The following UPP2 variants were observed in gnomAD, a reference collection of about 807,000 sequenced individuals.
The protein encoded by UPP2 is uridine phosphorylase 2.
A neutral mutation model predicts 26.7 loss-of-function variants in UPP2; 23 were observed. The observed-to-expected ratio is 0.86, with a 90% CI of 0.62 to 1.22. The LOEUF (loss-of-function observed/expected upper bound fraction) is 1.22. UPP2 is among the 50% of genes most tolerant of loss of function. UPP2 has a pLI of 0.00. For synonymous variants in UPP2, 127 were observed against 141.3 expected, an observed-to-expected ratio of 0.90 and a Z score of 0.72; for missense variants, 387 against 396.7, an observed-to-expected ratio of 0.98 and a Z score of 0.21.
chr2:158,030,632 A>C (rs1683907991), intron 3 of UPP2, among the ~76,000 whole-genome samples: 1 of 152,208 alleles, frequency 6.6e-6, no homozygotes, highest in Admixed American at 6.5e-5. Context: ...GCTTGGGCTG[A>C]TGTCTAAGCC....
chr2:158,051,251 T>C (rs1030618206), intron 3 of UPP2, among the ~76,000 whole-genome samples: 1 of 151,616 alleles, frequency 6.6e-6, no homozygotes, highest in East Asian at 1.9e-4. Flanking sequence ...CAAACTTCCT[T>C]TTTTTATCCC....
At chr2:158,044,389 G>T (rs1684122283) in intron 3 of UPP2, among the ~76,000 whole-genome samples, 1 of 152,094 alleles carries the variant, frequency 6.6e-6, no homozygotes, top group Non-Finnish European at 1.5e-5. Context: ...AGGGTGAAGA[G>T]CAATGTGTAA....
intron 2 of UPP2, among the ~76,000 whole-genome samples, chr2:157,998,178 A>T (rs1683351278): frequency 6.6e-6 from 1 of 152,166 alleles, no homozygotes; most frequent in African/African-American, 2.4e-5. Context: ...ATGGTAGTCT[A>T]CATTTAATGG....
intron 3 of UPP2, among the ~76,000 whole-genome samples, chr2:158,071,377 C>A (rs556105196): frequency 7.2e-5 from 11 of 151,834 alleles, no homozygotes; most frequent in Admixed American, 1.3e-4. Context: ...ATGGTGAAAC[C>A]CTGTCTCTAC....
rs549629723 is a variant in UPP2, at chr2:158,008,672, T to G, written c.62-7129T>G. Reference sequence around the variant, plus strand: ...CATAACTCCAAGATTAAAAGCAATTTGGATCATTATTCTCTTTTCATTACA... The same window carrying G: ...CATAACTCCAAGATTAAAAGCAATTGGGATCATTATTCTCTTTTCATTACA... On this transcript the variant is annotated intron_variant, in intron 2 of 9. Coordinates refer to the UPP2 transcript ENST00000605860. 3.3e-5 allele frequency among the ~76,000 whole-genome samples: 5 copies of G among 152,358 alleles called. No individual in the cohort carries two copies. The East Asian group carries it at 9.6e-4, about 29-fold the overall frequency.
At chr2:158,001,782 G>C (rs538462960) in intron 2 of UPP2, among the ~76,000 whole-genome samples, 1 of 152,230 alleles carries the variant, frequency 6.6e-6, no homozygotes, top group East Asian at 1.9e-4. Flanking sequence ...AGTTGGGGAA[G>C]ATTGCTAGCC....
intron 3 of UPP2, among the ~76,000 whole-genome samples, chr2:158,063,129 T>C (rs998829813): frequency 6.6e-6 from 1 of 152,200 alleles, no homozygotes; most frequent in African/African-American, 2.4e-5. Context: ...CTTTTTTTTC[T>C]GAACAATTAC....
chr2:158,131,787 G>A (rs1683824551), intron 6 of UPP2, among the ~76,000 whole-genome samples: 2 of 152,186 alleles, frequency 1.3e-5, no homozygotes, highest in South Asian at 2.1e-4. Flanking sequence ...ATTGTTTTGG[G>A]TAATTAGTCC....
chr2:158,040,309 T>C (rs1684066574), intron 3 of UPP2, among the ~76,000 whole-genome samples: 2 of 152,234 alleles, frequency 1.3e-5, no homozygotes, highest in Admixed American at 1.3e-4. Flanking sequence ...ATTGTTTGTA[T>C]CAACTGATGA....
chr2:158,081,537 T>C (rs2105195030), intron 3 of UPP2, among the ~76,000 whole-genome samples: 1 of 152,282 alleles, frequency 6.6e-6, no homozygotes, highest in African/African-American at 2.4e-5. Flanking sequence ...TGCAGCACTG[T>C]TCATAATAGC....
intron 6 of UPP2, among the ~76,000 whole-genome samples, chr2:158,127,249 A>C (rs991354819): frequency 2.0e-5 from 3 of 152,238 alleles, no homozygotes; most frequent in Non-Finnish European, 4.4e-5. Context: ...ATTTATCTGC[A>C]TCACATTTAC....
At chr2:158,073,183 CTGACATGCTAAAACAATGCA>C (rs1295396269) in intron 3 of UPP2, among the ~76,000 whole-genome samples, 2 of 151,962 alleles carry the variant, frequency 1.3e-5, no homozygotes, top group African/African-American at 4.8e-5. Context: ...AAAAATGCAA[CTGACATGCTAAAACAATGCA>C]TCAGAGTTCC....
intron 3 of UPP2, among the ~76,000 whole-genome samples, chr2:158,039,277 G>C (rs541065012): frequency 1.3e-5 from 2 of 152,306 alleles, no homozygotes; most frequent in African/African-American, 4.8e-5. Context: ...TCAGGAGATT[G>C]TGTTCCTGTG....
intron 2 of UPP2, among the ~76,000 whole-genome samples, chr2:158,014,234 C>T (rs990337634): frequency 5.9e-5 from 9 of 152,272 alleles, no homozygotes; most frequent in Admixed American, 1.3e-4. Context: ...TGGGATGGGG[C>T]AGGGTTAGCA....
intron 3 of UPP2, among the ~76,000 whole-genome samples, chr2:158,045,109 C>T (rs1684133689): frequency 6.6e-6 from 1 of 152,154 alleles, no homozygotes; most frequent in African/African-American, 2.4e-5. Flanking sequence ...AGCCATGAAA[C>T]CCCCTTGTCC....
intron 2 of UPP2, among the ~76,000 whole-genome samples, chr2:158,001,253 AAGGAG>A (rs1683401093): frequency 6.6e-6 from 1 of 151,988 alleles, no homozygotes; most frequent in Admixed American, 6.6e-5. Context: ...AGAGTTTATT[AAGGAG>A]ATTATTTATA....
intron 3 of UPP2, among the ~76,000 whole-genome samples, chr2:158,051,540 C>A (rs560908656): frequency 1.3e-5 from 2 of 152,032 alleles, no homozygotes; most frequent in Non-Finnish European, 2.9e-5. Context: ...CCCAGCACTT[C>A]GAGAGGCTTA....
At chr2:157,998,566 C>T (rs1330359003) in intron 2 of UPP2, among the ~76,000 whole-genome samples, 5 of 152,042 alleles carry the variant, frequency 3.3e-5, no homozygotes, top group Admixed American at 6.6e-5. Flanking sequence ...TTTTGAGAGG[C>T]CCAGGTGGCT....
chr2:158,109,225 T>A (rs1243522330), intron 2 of UPP2, among the ~76,000 whole-genome samples: 1 of 152,108 alleles, frequency 6.6e-6, no homozygotes, highest in Non-Finnish European at 1.5e-5. Flanking sequence ...TCATTATTAA[T>A]ACCATTATCT....
Sources: allele counts gnomAD v4.1 joint callset (sites outside exome capture counted in the v4.1 genomes callset), GRCh38; gene constraint gnomAD v4.1.1; transcripts MANE v1.5; gene names NCBI Gene and HGNC (gene_info 2026-07-23, HGNC 2026-07-21).